CR1L: variants seen among roughly 807,000 people sequenced by gnomAD.
CR1L encodes complement C3b/C4b receptor 1 like, also known as complement component receptor 1-like protein.
In CR1L, 59 loss-of-function variants were observed where a neutral mutation model predicts 62.3. The observed-to-expected ratio is 0.95, with a 90% CI of 0.77 to 1.18. The LOEUF (loss-of-function observed/expected upper bound fraction) is 1.18. Among genes scored for constraint, CR1L ranks in the 50% most tolerant of loss-of-function variants. The probability of loss-of-function intolerance (pLI) is 0.00; values close to 1 mark genes in which losing one functional copy is unlikely to be tolerated. For synonymous variants in CR1L, 279 were observed against 248.7 expected (o/e 1.12, Z -1.15); for missense variants, 700 against 702.8 (o/e 1.00, Z 0.04).
At chr1:207,719,468 C>G (rs1654083105) in intron 11 of CR1L, among the ~76,000 whole-genome samples, 2 of 151,988 alleles carry the variant, frequency 1.3e-5, no homozygotes, top group Admixed American at 6.6e-5. Flanking sequence ...GTCTGTAATA[C>G]CAGCACTTTG....
At chr1:207,655,111 A>C in intron 1 of CR1L, 1 of 365,236 alleles carries the variant, frequency 2.7e-6, no homozygotes, top group Non-Finnish European at 5.3e-6. Flanking sequence ...TAGAAAATAA[A>C]CCATATAAAA....
intron 8 of CR1L, among the ~76,000 whole-genome samples, chr1:207,700,339 C>T (rs1350307975): frequency 6.6e-6 from 1 of 152,190 alleles, no homozygotes; most frequent in African/African-American, 2.4e-5. Flanking sequence ...GTTCTACTAT[C>T]ATGCATGAAA....
chr1:207,679,113 C>G (rs1426231787), intron 3 of CR1L, among the ~76,000 whole-genome samples: 2 of 149,900 alleles, frequency 1.3e-5, no homozygotes, highest in African/African-American at 4.9e-5. Flanking sequence ...TCTCCTGCCT[C>G]AGCCTCTTGA....
intron 3 of CR1L, among the ~76,000 whole-genome samples, chr1:207,683,601 A>T (rs926674496): frequency 5.3e-5 from 8 of 152,218 alleles, no homozygotes; most frequent in African/African-American, 1.9e-4. Context: ...AAAAAATGAA[A>T]TTTATAGGAA....
rs560214782 is a variant in CR1L, at chr1:207,645,390, C to T, written c.97+60C>T. ...GAGGCTAGAGCTCTGCTCAGTCAGTCGGGCAGGAGGCGCGGGGCGAAGCTC... is the reference window on the plus strand; with the variant it reads ...GAGGCTAGAGCTCTGCTCAGTCAGTTGGGCAGGAGGCGCGGGGCGAAGCTC... On this transcript the variant is annotated intron_variant, in intron 1 of 11. Transcript: ENST00000508064. 86 of 1,574,908 alleles carry T rather than the reference C, an allele frequency of 5.5e-5. No individual in the cohort carries two copies. In the African/African-American group the frequency reaches 1.1e-3, roughly 20 times the overall value.
chr1:207,708,049 A>T, intron 9 of CR1L, 129 bp from the exon 10 acceptor site: 1 of 1,097,330 alleles, frequency 9.1e-7, no homozygotes, highest in Non-Finnish European at 1.4e-6. Context: ...GCTGGGAACA[A>T]TAGGTAAAGT....
chr1:207,716,505 CT>C (rs892509862), intron 10 of CR1L, among the ~76,000 whole-genome samples: 2 of 151,854 alleles, frequency 1.3e-5, no homozygotes, highest in African/African-American at 2.4e-5. Context: ...TTTTTTAAAC[CT>C]TTTTTTTCTT....
chr1:207,655,599 C>A (rs1054169656), intron 1 of CR1L, among the ~76,000 whole-genome samples: 4 of 152,066 alleles, frequency 2.6e-5, no homozygotes, highest in African/African-American at 9.7e-5. Context: ...TGCCACCATA[C>A]CTGGCTTTTT....
intron 1 of CR1L, among the ~76,000 whole-genome samples, chr1:207,665,956 G>A (rs1663516108): frequency 6.6e-6 from 1 of 152,184 alleles, no homozygotes; most frequent in Non-Finnish European, 1.5e-5. Flanking sequence ...GTTGGACCAT[G>A]TATACATGGG....
chr1:207,648,945 C>T (rs1416552071), intron 1 of CR1L, among the ~76,000 whole-genome samples: 1 of 151,556 alleles, frequency 6.6e-6, no homozygotes, highest in East Asian at 1.9e-4. Flanking sequence ...TGTTTGACAG[C>T]AGTGGACTTT....
rs1312138209 is a variant in CR1L at position 207,677,518 on chromosome 1, T to C, written c.227T>C (p.Ile76Thr). ...GGTTATTCCGGAAGACCGTTTTCTA[T>C]CATCTGCCTAAAAAACTCAGTCTGG... ...RPGYSGRPFS[I>T]ICLKNSVWTS... The change falls in exon 2 of 12, where the codon ATC becomes ACC. Residue 76 changes from isoleucine (I) to threonine (T), a missense_variant. Ile to Thr is a moderately conservative substitution (Grantham distance 89). Transcript: ENST00000508064. 1 of 1,613,818 alleles carries C rather than the reference T, an allele frequency of 6.2e-7. No homozygotes were observed. The highest frequency in any genetic ancestry group is 1.7e-5 in the Admixed American group (1 of 59,992).
chr1:207,649,931 G>A (rs981311853), intron 1 of CR1L, among the ~76,000 whole-genome samples: 7 of 152,140 alleles, frequency 4.6e-5, no homozygotes, highest in Non-Finnish European at 1.0e-4. Flanking sequence ...AAATGATAGT[G>A]GCTTGAATGA....
rs1654190432 is a variant in CR1L at position 207,723,702 on chromosome 1, A to T, written c.*17A>T. On this transcript the variant is annotated 3_prime_UTR_variant, in exon 12 of 12. Transcript: ENST00000508064. ...CATCTTTAACAGTAAGTACCTACTTATAATGAATGCAATGTAGAAAGAGAG... is the reference window on the plus strand; with the variant it reads ...CATCTTTAACAGTAAGTACCTACTTTTAATGAATGCAATGTAGAAAGAGAG... 1 of 1,494,608 alleles carries T rather than the reference A, an allele frequency of 6.7e-7. No homozygotes were observed. The highest frequency in any genetic ancestry group is 1.9e-5 in the Admixed American group (1 of 52,440). The allele number at this position is 1,494,608 out of a possible 1,614,324, so 92.6% of individuals were successfully genotyped here.
chr1:207,657,323 C>A, intron 1 of CR1L: 1 of 1,042,526 alleles, frequency 9.6e-7, no homozygotes, highest in South Asian at 1.3e-5. Flanking sequence ...GTGTAAAAGT[C>A]ACCTTTCAAT....
intron 1 of CR1L, among the ~76,000 whole-genome samples, chr1:207,663,124 C>T (rs2102447342): frequency 6.6e-6 from 1 of 152,312 alleles, no homozygotes; most frequent in Middle Eastern, 3.4e-3. Context: ...TCTGCCCGTT[C>T]TCAGATCTCA....
At position 207,677,405 on chromosome 1, in the gene CR1L, G is replaced by A. The variant is rs757581505; in HGVS notation, c.114G>A (p.Pro38=). Residue 38 remains proline (P), a synonymous_variant, in exon 2 of 12, where the codon CCG becomes CCA. Coordinates refer to ENST00000508064, the MANE Select transcript of CR1L (RefSeq NM_175710.2). The stretch of plus-strand genomic sequence containing the variant: ...GATCCCCAGATCAATGCAATGTCCC[G>A]GAATGGCTTCCATTTGCCAGGCCTA... The part of the protein sequence containing the change: ...LSSFSDQCNV[P]EWLPFARPTN... 1.2e-5 allele frequency: 19 copies of A among 1,608,796 alleles called. 1 individual carries two copies. The highest frequency in any genetic ancestry group is 3.3e-4 in the Middle Eastern group (2 of 6,066).
At chr1:207,686,102 TCCTTCCTC>T (rs1663901094) in intron 4 of CR1L, among the ~76,000 whole-genome samples, 10 of 14,418 alleles carry the variant, frequency 6.9e-4, no homozygotes, top group African/African-American at 2.4e-3. Flanking sequence ...CTCCTTTCCT[TCCTTCCTC>T]CCTCCCTCCC....
chr1:207,664,276 G>A (rs1160672538), intron 1 of CR1L, among the ~76,000 whole-genome samples: 1 of 152,174 alleles, frequency 6.6e-6, no homozygotes, highest in African/African-American at 2.4e-5. Context: ...CATTTCTGTG[G>A]TCTTCAGTTT....
intron 10 of CR1L, among the ~76,000 whole-genome samples, chr1:207,709,405 C>CA (rs920494842): frequency 1.3e-4 from 20 of 149,594 alleles, no homozygotes; most frequent in Admixed American, 9.3e-4. Context: ...GACCTTGTCT[C>CA]AAAAAAAATG....
Sources: allele counts gnomAD v4.1 joint callset (sites outside exome capture counted in the v4.1 genomes callset), GRCh38; gene constraint gnomAD v4.1.1; transcripts MANE v1.5; gene names NCBI Gene and HGNC (gene_info 2026-07-23, HGNC 2026-07-21).